SDK1: variants seen among roughly 807,000 people sequenced by gnomAD.
SDK1 encodes sidekick cell adhesion molecule 1.
In SDK1, 157 loss-of-function variants were observed where a neutral mutation model predicts 245.5. The observed-to-expected ratio is 0.64, with a 90% CI of 0.56 to 0.73. SDK1 has a LOEUF of 0.73. Ranked by LOEUF, SDK1 falls within the 30% of genes least tolerant of loss-of-function variation. The probability of loss-of-function intolerance (pLI) is 0.00; values close to 1 mark genes in which losing one functional copy is unlikely to be tolerated. For missense variants in SDK1, 3,583 were observed against 3,002.3 expected (o/e 1.19, Z -4.52); for synonymous variants, 1,647 against 1,278.5 (o/e 1.29, Z -6.15).
At chr7:3,484,612 C>A (rs985214402) in intron 1 of SDK1, among the ~76,000 whole-genome samples, 1 of 152,144 alleles carries the variant, frequency 6.6e-6, no homozygotes, top group Non-Finnish European at 1.5e-5. Flanking sequence ...TTATTCCTTT[C>A]CTCTAACTGT....
intron 5 of SDK1, among the ~76,000 whole-genome samples, chr7:3,863,216 CAG>C (rs1780738994): frequency 1.3e-5 from 2 of 152,298 alleles, no homozygotes; most frequent in South Asian, 4.1e-4. Flanking sequence ...TAAAGGAACA[CAG>C]GGAATGAATA....
At position 4,108,278 on chromosome 7, in the gene SDK1, A is replaced by G. The variant is rs192468650; in HGVS notation, c.3325-2385A>G. Among the ~76,000 whole-genome samples the G allele has an allele frequency of 7.9e-5, 12 of 152,234 alleles. No homozygotes were observed. The East Asian group carries it at 2.1e-3, about 27-fold the overall frequency. ...CCTGTCTGACTCAAGAGCTAGTCCA[A>G]CCCCAGGTTCGCCTAGACCCTTCCC... On this transcript the variant is annotated intron_variant, in intron 22 of 44. Coordinates refer to ENST00000404826, the MANE Select transcript of SDK1 (RefSeq NM_152744.4).
chr7:4,161,726 G>C, intron 31 of SDK1, 60 bp from the exon 32 acceptor site: 1 of 1,426,698 alleles, frequency 7.0e-7, no homozygotes, highest in African/African-American at 1.4e-5. Context: ...GTGGCCCTGG[G>C]AAGGGCGGCA....
In SDK1 at chr7:4,103,007, C is replaced by CT. The variant is rs1202665145; in HGVS notation, c.3325-7646dup. On this transcript the variant is annotated intron_variant, in intron 22 of 44. Coordinates refer to ENST00000404826, the MANE Select transcript of SDK1 (RefSeq NM_152744.4). The stretch of plus-strand genomic sequence containing the variant: ...TCAAAATCCCGGCTTCCCCACAGAG[C>CT]TTTTTTTTTTGGAGACAGAGTCTCA... Among the ~76,000 whole-genome samples the CT allele has an allele frequency of 2.3e-3, 309 of 135,156 alleles. 2 individuals are homozygous for CT. Among genetic ancestry groups the CT allele is most frequent in the African/African-American group, 6.6e-3 (251 of 37,918 alleles). The allele number at this position is 135,156 out of a possible 152,430, so 88.7% of individuals were successfully genotyped here.
intron 9 of SDK1, among the ~76,000 whole-genome samples, chr7:3,966,165 G>A (rs547842856): frequency 1.1e-4 from 16 of 152,084 alleles, no homozygotes; most frequent in Middle Eastern, 3.2e-3. Flanking sequence ...CATCTGGCAA[G>A]ACCTGGACTC....
intron 4 of SDK1, among the ~76,000 whole-genome samples, chr7:3,783,034 G>A (rs1780792634): frequency 6.6e-6 from 1 of 151,938 alleles, no homozygotes; most frequent in Admixed American, 6.6e-5. Context: ...TGATCAAGTG[G>A]GATTTATTCT....
chr7:3,821,668 C>T (rs1306872147), intron 5 of SDK1, 85 bp downstream of exon 5: 1 of 1,463,880 alleles, frequency 6.8e-7, no homozygotes, highest in Non-Finnish European at 9.3e-7. Flanking sequence ...GGACATTTTG[C>T]AATAAATTTT....
chr7:3,505,738 G>A (rs74736060), intron 1 of SDK1, among the ~76,000 whole-genome samples: 1 of 152,080 alleles, frequency 6.6e-6, no homozygotes, highest in East Asian at 1.9e-4. Flanking sequence ...CAAAAATACA[G>A]TATTCCTGGG....
chr7:4,086,578 C>A (rs946342619), intron 22 of SDK1, among the ~76,000 whole-genome samples: 2 of 152,168 alleles, frequency 1.3e-5, no homozygotes, highest in African/African-American at 4.8e-5. Context: ...ATCTTCAGAG[C>A]AGCCGGGGCA....
chr7:3,433,035 C>G (rs1779912950), intron 1 of SDK1, among the ~76,000 whole-genome samples: 1 of 152,152 alleles, frequency 6.6e-6, no homozygotes, highest in African/African-American at 2.4e-5. Flanking sequence ...GTTTTTCATT[C>G]ATTTTAGAGG....
At chr7:3,672,544 A>G (rs370781557) in intron 4 of SDK1, among the ~76,000 whole-genome samples, 8 of 147,148 alleles carry the variant, frequency 5.4e-5, no homozygotes, top group African/African-American at 2.0e-4. Flanking sequence ...CTATTTATAG[A>G]TCCCAGAGTG....
At chr7:3,558,343 C>T (rs998503401) in intron 1 of SDK1, among the ~76,000 whole-genome samples, 3 of 152,236 alleles carry the variant, frequency 2.0e-5, no homozygotes, top group South Asian at 4.1e-4. Flanking sequence ...ATACTTTCTT[C>T]TCCCTGGATT....
At chr7:4,244,560 G>T (rs1786721282) in intron 43 of SDK1, among the ~76,000 whole-genome samples, 1 of 152,204 alleles carries the variant, frequency 6.6e-6, no homozygotes, top group African/African-American at 2.4e-5. Context: ...GCTGAAGAGG[G>T]TACTCATTTT....
chr7:3,909,905 G>C (rs1050798826), intron 5 of SDK1, among the ~76,000 whole-genome samples: 2 of 151,996 alleles, frequency 1.3e-5, no homozygotes, highest in African/African-American at 4.8e-5. Context: ...TGAGCAGGAG[G>C]GATTATTATG....
intron 1 of SDK1, among the ~76,000 whole-genome samples, chr7:3,472,425 G>T (rs1025464958): frequency 1.3e-5 from 2 of 152,088 alleles, no homozygotes; most frequent in Non-Finnish European, 2.9e-5. Flanking sequence ...AGAGGTTTAC[G>T]ATCTAATTAG....
intron 32 of SDK1, among the ~76,000 whole-genome samples, chr7:4,172,357 C>T (rs1365211931): frequency 6.6e-6 from 1 of 152,158 alleles, no homozygotes; most frequent in Non-Finnish European, 1.5e-5. Flanking sequence ...GAGTGTTGAA[C>T]GCGTGAGTGT....
intron 40 of SDK1, chr7:4,232,827 C>T (rs1027315072): frequency 1.9e-5 from 3 of 154,648 alleles, no homozygotes; most frequent in Admixed American, 1.9e-4. Context: ...TGGAGAGATG[C>T]CTCAGAACCC....
chr7:3,394,458 G>A (rs1234507834), intron 1 of SDK1, among the ~76,000 whole-genome samples: 1 of 151,936 alleles, frequency 6.6e-6, no homozygotes, highest in Non-Finnish European at 1.5e-5. Context: ...TTGAAATTTA[G>A]AAAAGACCTC....
rs74835104 is a variant in SDK1 at position 4,020,810 on chromosome 7, G to C, written c.2602+3458G>C. On this transcript the variant is annotated intron_variant, in intron 17 of 44. Transcript: ENST00000404826. ...AAGCACCTGTGCCCGTTCTGAGCCTGCAGTTTTCATTTGTGAAACTGTGGC... is the reference window on the plus strand; with the variant it reads ...AAGCACCTGTGCCCGTTCTGAGCCTCCAGTTTTCATTTGTGAAACTGTGGC... 0.014 allele frequency among the ~76,000 whole-genome samples: 2,199 copies of C among 152,302 alleles called. 141 individuals carry two copies. The East Asian group carries it at 0.2, about 14-fold the overall frequency.
Sources: gnomAD v4.1 joint callset for allele counts (sites outside exome capture counted in the v4.1 genomes callset) on GRCh38, gnomAD v4.1.1 for gene constraint, MANE v1.5 for transcripts, NCBI Gene and HGNC (gene_info 2026-07-23, HGNC 2026-07-21) for gene names.